The following STAM2 variants were observed in gnomAD, a reference collection of about 807,000 sequenced individuals.
STAM2 encodes signal transducing adaptor molecule 2, also known as signal transducing adapter molecule 2.
A neutral mutation model predicts 65.6 loss-of-function variants in STAM2; 51 were observed. The ratio of observed to expected loss-of-function variants is 0.78; its 90% CI spans 0.62 to 0.98. The LOEUF (loss-of-function observed/expected upper bound fraction) is 0.98. Among genes scored for constraint, STAM2 ranks in the 50% least tolerant of loss-of-function variants. The pLI is 0.00. For synonymous variants in STAM2, 198 were observed against 208.4 expected (o/e 0.95, Z 0.43); for missense variants, 584 against 617.8 (o/e 0.95, Z 0.58).
intron 1 of STAM2, among the ~76,000 whole-genome samples, chr2:152,160,614 C>T (rs563685572): frequency 1.7e-3 from 260 of 150,532 alleles, no homozygotes; most frequent in African/African-American, 6.1e-3. Context: ...GGGGGGTCAG[C>T]CCCACCCAGG....
chr2:152,161,124 T>C (rs1484962451), intron 1 of STAM2, among the ~76,000 whole-genome samples: 1 of 152,052 alleles, frequency 6.6e-6, no homozygotes, highest in Non-Finnish European at 1.5e-5. Flanking sequence ...GAGGTAGACA[T>C]GGGAGACTTT....
Position 152,126,361 on chromosome 2 carries a change from A to T in STAM2, c.1044T>A (p.Ser348=). ...CTTCCAGGACTTTAACATTCAATTC[A>T]GACAATTCTGAATGCTTCCTGATGT... ...EEIDRKHSEL[S]ELNVKVLEAL... The change falls in exon 12 of 14, where the codon TCT becomes TCA. Residue 348 remains serine, a synonymous_variant. Coordinates refer to ENST00000263904, the MANE Select transcript of STAM2 (RefSeq NM_005843.6). The T allele has an allele frequency of 6.3e-7, 1 of 1,575,396 alleles. No homozygotes were observed. The highest frequency in any genetic ancestry group is 8.6e-7 in the Non-Finnish European group (1 of 1,162,342).
intron 1 of STAM2, among the ~76,000 whole-genome samples, chr2:152,175,321 C>A (rs1276656462): frequency 2.0e-5 from 3 of 152,186 alleles, no homozygotes; most frequent in Admixed American, 2.0e-4. Context: ...TCAGTCCAGT[C>A]TCCAGCGAGC....
At chr2:152,140,243 T>TG (rs1689220450) in intron 7 of STAM2, among the ~76,000 whole-genome samples, 1 of 152,210 alleles carries the variant, frequency 6.6e-6, no homozygotes, top group Admixed American at 6.5e-5. Flanking sequence ...AGTAGGCACT[T>TG]GCCAGGAGGA....
At chr2:152,146,195 C>T (rs923539986) in intron 5 of STAM2, among the ~76,000 whole-genome samples, 2 of 144,338 alleles carry the variant, frequency 1.4e-5, no homozygotes, top group African/African-American at 5.2e-5. Flanking sequence ...TGCTTAAACC[C>T]GGGAGACAGA....
intron 1 of STAM2, among the ~76,000 whole-genome samples, chr2:152,167,735 A>AAAAAT (rs1560225220): frequency 6.6e-6 from 1 of 151,044 alleles, no homozygotes; most frequent in Admixed American, 6.6e-5. Flanking sequence ...TTTCTAGAAA[A>AAAAAT]AAATAAATAA....
intron 2 of STAM2, among the ~76,000 whole-genome samples, chr2:152,149,653 A>G (rs1323498149): frequency 6.6e-6 from 1 of 152,022 alleles, no homozygotes; most frequent in East Asian, 1.9e-4. Flanking sequence ...GCACACCATT[A>G]TGTCCAGCTA....
intron 1 of STAM2, 144 bp downstream of exon 1, chr2:152,175,459 C>A (rs1689997496): frequency 1.8e-6 from 2 of 1,084,710 alleles, no homozygotes; most frequent in East Asian, 2.6e-5. Context: ...AAAATCCCAA[C>A]GTCGAAGGAG....
chr2:152,151,912 T>A (rs1042396751), intron 1 of STAM2, among the ~76,000 whole-genome samples: 5 of 152,176 alleles, frequency 3.3e-5, no homozygotes, highest in Admixed American at 1.3e-4. Flanking sequence ...CATTCACCAG[T>A]TCATGAACAT....
chr2:152,174,152 C>T (rs1198755440), intron 1 of STAM2, among the ~76,000 whole-genome samples: 1 of 152,180 alleles, frequency 6.6e-6, no homozygotes, highest in African/African-American at 2.4e-5. Context: ...ATTTTTCCAT[C>T]AGAAAACAAT....
chr2:152,168,596 T>G (rs778831822), intron 1 of STAM2, among the ~76,000 whole-genome samples: 2 of 152,252 alleles, frequency 1.3e-5, no homozygotes, highest in African/African-American at 4.8e-5. Context: ...CTTGACTTAC[T>G]TACAAATTAT....
chr2:152,131,773 A>G, intron 11 of STAM2: 1 of 251,902 alleles, frequency 4.0e-6, no homozygotes, highest in Non-Finnish European at 7.6e-6. Context: ...CTACAGTGGC[A>G]ATGATGGGCA....
At chr2:152,135,723 G>A (rs12612031) in intron 7 of STAM2, 120 bp from the exon 8 acceptor site, 234,841 of 631,790 alleles carry the variant, frequency 0.37, 50,269 homozygotes, top group East Asian at 0.85. Context: ...AGCTATAATT[G>A]AGTCATTTTT....
At chr2:152,160,288 G>A (rs372323191) in intron 1 of STAM2, among the ~76,000 whole-genome samples, 4 of 150,368 alleles carry the variant, frequency 2.7e-5, no homozygotes, top group Non-Finnish European at 4.4e-5. Flanking sequence ...AGTGAGGAGC[G>A]CCTCTTCCCG....
chr2:152,173,662 G>A (rs1165050378), intron 1 of STAM2, among the ~76,000 whole-genome samples: 2 of 152,126 alleles, frequency 1.3e-5, no homozygotes, highest in African/African-American at 4.8e-5. Flanking sequence ...CTCCCAAAGT[G>A]CTGGGATTAC....
chr2:152,132,254 T>C (rs1470220483), intron 10 of STAM2, 86 bp from the exon 11 acceptor site: 1 of 896,364 alleles, frequency 1.1e-6, no homozygotes, highest in Non-Finnish European at 1.8e-6. Context: ...AGCACCAATA[T>C]ACAACACTAT....
At chr2:152,130,972 G>C (rs1196668339) in intron 11 of STAM2, among the ~76,000 whole-genome samples, 11 of 147,186 alleles carry the variant, frequency 7.5e-5, no homozygotes, top group Non-Finnish European at 1.2e-4. Flanking sequence ...CTCCAGCCTG[G>C]GTGACAGGGC....
intron 1 of STAM2, among the ~76,000 whole-genome samples, chr2:152,173,420 C>T (rs991296099): frequency 2.9e-5 from 3 of 103,320 alleles, no homozygotes; most frequent in Non-Finnish European, 4.2e-5. Flanking sequence ...TTTTTCGAGA[C>T]GGAGTCTTGC....
chr2:152,122,057 A>ATAT (rs1216653208), intron 13 of STAM2, among the ~76,000 whole-genome samples: 1 of 131,738 alleles, frequency 7.6e-6, no homozygotes, highest in African/African-American at 2.9e-5. Flanking sequence ...CCAAAAAAAA[A>ATAT]ATATATATAT....
Sources: allele counts gnomAD v4.1 joint callset (sites outside exome capture counted in the v4.1 genomes callset), GRCh38; gene constraint gnomAD v4.1.1; transcripts MANE v1.5; gene names NCBI Gene and HGNC (gene_info 2026-07-23, HGNC 2026-07-21).